The following KLF12 variants were observed in gnomAD, a reference collection of about 807,000 sequenced individuals.
The protein encoded by KLF12 is KLF transcription factor 12, also known as Krueppel-like factor 12.
A neutral mutation model predicts 37.8 loss-of-function variants in KLF12; 9 were observed. The ratio of observed to expected loss-of-function variants is 0.24; its 90% CI spans 0.14 to 0.42. The LOEUF (loss-of-function observed/expected upper bound fraction) is 0.42, where lower values mean the gene tolerates loss of function less well. Among genes scored for constraint, KLF12 ranks in the 10% least tolerant of loss-of-function variants. The pLI is 1.00. For missense variants in KLF12, 411 were observed against 516.0 expected (o/e 0.80, Z 1.97); for synonymous variants, 208 against 202.1 (o/e 1.03, Z -0.25).
chr13:74,152,294 T>C, the KLF12 span, among the ~76,000 whole-genome samples: 1 of 152,340 alleles, frequency 6.6e-6, no homozygotes, highest in African/African-American at 2.4e-5. Context: ...GTACACATAA[T>C]TCTTATATAA....
At chr13:73,749,417 A>T (rs1202710091) in intron 6 of KLF12, among the ~76,000 whole-genome samples, 1 of 152,168 alleles carries the variant, frequency 6.6e-6, no homozygotes, top group Middle Eastern at 3.2e-3. Context: ...TAAAAGACTG[A>T]TCTTCAAATT....
rs924380649 is a variant in KLF12 at position 73,691,072 on chromosome 13, T to G, written c.*4418A>C. 1 of 152,660 alleles carries G rather than the reference T, an allele frequency of 6.6e-6. No homozygotes were observed. Among genetic ancestry groups the G allele is most frequent in the African/African-American group, 2.4e-5 (1 of 41,464 alleles). The allele number at this position is 152,660 out of a possible 1,614,324, so 9.5% of individuals were successfully genotyped here. ...GTCATATATAGTATTATAAGCCGGT[T>G]TCCTAATAAGGTAAGTAACTCACAT... On this transcript the variant is annotated 3_prime_UTR_variant, in exon 8 of 8. Coordinates refer to ENST00000377669, the MANE Select transcript of KLF12 (RefSeq NM_007249.5).
At chr13:73,711,109 G>T (rs150958921) in intron 7 of KLF12, among the ~76,000 whole-genome samples, 1 of 152,154 alleles carries the variant, frequency 6.6e-6, no homozygotes, top group African/African-American at 2.4e-5. Context: ...AGTTCTTCAC[G>T]GCTGAGAGAG....
intron 2 of KLF12, among the ~76,000 whole-genome samples, chr13:73,963,251 G>T (rs1242940433): frequency 1.3e-5 from 2 of 149,440 alleles, no homozygotes; most frequent in Non-Finnish European, 3.0e-5. Context: ...TTCTATACAG[G>T]TTAACAATCA....
rs1455093245 is a variant in KLF12 at position 73,871,428 on chromosome 13, A to G, written c.124-25055T>C. Among the ~76,000 whole-genome samples the G allele has an allele frequency of 3.3e-5, 5 of 152,318 alleles. No individual in the cohort carries two copies. In the East Asian group the frequency reaches 5.8e-4, roughly 18 times the overall value. ...TTCCTGTACCATACACTAACTGACA[A>G]TTGTTAAGAGACTGGAAAAGAGAAT... On this transcript the variant is annotated intron_variant, in intron 3 of 7. Coordinates refer to ENST00000377669, the MANE Select transcript of KLF12 (RefSeq NM_007249.5).
At chr13:74,047,490 G>A (rs974663715) in intron 1 of KLF12, among the ~76,000 whole-genome samples, 2 of 151,626 alleles carry the variant, frequency 1.3e-5, no homozygotes, top group Non-Finnish European at 2.9e-5. Context: ...CCAGCTACTC[G>A]GGAGGCTGAG....
At chr13:74,136,404 C>A (rs140375383), upstream of KLF12, among the ~76,000 whole-genome samples, 21 of 152,242 alleles carry the variant, frequency 1.4e-4, no homozygotes, top group African/African-American at 4.8e-4. Flanking sequence ...TCAACAACTG[C>A]GCAGGATTTC....
chr13:73,959,853 G>C (rs1041586947), intron 2 of KLF12, among the ~76,000 whole-genome samples: 2 of 152,108 alleles, frequency 1.3e-5, no homozygotes, highest in Admixed American at 1.3e-4. Flanking sequence ...TAATAGTTTA[G>C]TCTGAAAGAT....
intron 5 of KLF12, among the ~76,000 whole-genome samples, chr13:73,786,785 C>T (rs905815811): frequency 2.1e-5 from 3 of 146,266 alleles, no homozygotes; most frequent in Non-Finnish European, 4.5e-5. Context: ...ATTAGCTGGG[C>T]ATGGTGGCGT....
chr13:74,032,304 A>C (rs1461540168), intron 1 of KLF12, among the ~76,000 whole-genome samples: 1 of 152,134 alleles, frequency 6.6e-6, no homozygotes, highest in Non-Finnish European at 1.5e-5. Flanking sequence ...GAAGGCCTTC[A>C]AATACTTTCT....
At chr13:73,816,374 A>C (rs926595125) in intron 4 of KLF12, among the ~76,000 whole-genome samples, 1 of 152,214 alleles carries the variant, frequency 6.6e-6, no homozygotes, top group Non-Finnish European at 1.5e-5. Context: ...ACCTGAAAAA[A>C]ATTTACACTT....
chr13:74,178,432 G>A, the KLF12 span, among the ~76,000 whole-genome samples: 1 of 152,282 alleles, frequency 6.6e-6, no homozygotes, highest in Admixed American at 6.5e-5. Context: ...ACAAATATAA[G>A]CAGGCAATTA....
At chr13:73,940,111 T>C (rs1045018724) in intron 3 of KLF12, among the ~76,000 whole-genome samples, 3 of 152,192 alleles carry the variant, frequency 2.0e-5, no homozygotes, top group African/African-American at 7.2e-5. Flanking sequence ...TATACTACCT[T>C]ATCTCTGGGT....
At chr13:74,275,003 T>C in the KLF12 span, among the ~76,000 whole-genome samples, 47 of 152,326 alleles carry the variant, frequency 3.1e-4, 1 homozygote, top group East Asian at 9.1e-3. Context: ...GACTCACTTA[T>C]ATTTTCTTTC....
chr13:74,245,300 T>A, the KLF12 span, among the ~76,000 whole-genome samples: 1 of 120,364 alleles, frequency 8.3e-6, no homozygotes, highest in Non-Finnish European at 1.7e-5. Context: ...AGTTTATCTA[T>A]CTATCTATCT....
At chr13:74,107,036 C>T (rs1352205219) in intron 1 of KLF12, among the ~76,000 whole-genome samples, 1 of 152,190 alleles carries the variant, frequency 6.6e-6, no homozygotes, top group East Asian at 1.9e-4. Context: ...AAGATCAAGG[C>T]ACCAGCAGAT....
chr13:74,130,461 T>C (rs1193764648), intron 1 of KLF12, among the ~76,000 whole-genome samples: 2 of 152,134 alleles, frequency 1.3e-5, no homozygotes, highest in African/African-American at 4.8e-5. Context: ...GAATTCAGGA[T>C]CTAGCCTGGA....
At chr13:73,792,548 G>A (rs1478281356) in intron 5 of KLF12, among the ~76,000 whole-genome samples, 1 of 152,040 alleles carries the variant, frequency 6.6e-6, no homozygotes, top group Non-Finnish European at 1.5e-5. Flanking sequence ...GATTATCACA[G>A]GGTGGAAAAG....
chr13:74,135,389 C>A (rs1349473920), upstream of KLF12, among the ~76,000 whole-genome samples: 1 of 152,062 alleles, frequency 6.6e-6, no homozygotes, highest in African/African-American at 2.4e-5. Context: ...AAGCGGACGG[C>A]CCGGAGCCGA....
Sources: allele counts gnomAD v4.1 joint callset (sites outside exome capture counted in the v4.1 genomes callset), GRCh38; gene constraint gnomAD v4.1.1; transcripts MANE v1.5; gene names NCBI Gene and HGNC (gene_info 2026-07-23, HGNC 2026-07-21).